Variants in ZNF804B observed in about 807,000 individuals in gnomAD.
ZNF804B encodes the protein zinc finger 804B.
ZNF804B carries 80 observed loss-of-function variants against 101.4 expected under a neutral mutation model. The ratio of observed to expected loss-of-function variants is 0.79; its 90% CI spans 0.66 to 0.95. The LOEUF is 0.95. ZNF804B is among the 40% of genes least tolerant of loss of function. ZNF804B has a pLI of 0.00. For synonymous variants in ZNF804B, 622 were observed against 558.8 expected (o/e 1.11, Z -1.59); for missense variants, 1,673 against 1,561.9 (o/e 1.07, Z -1.20).
intron 1 of ZNF804B, among the ~76,000 whole-genome samples, chr7:89,159,044 A>G (rs7810460): frequency 0.2 from 30,666 of 151,950 alleles, 3,324 homozygotes; most frequent in Non-Finnish European, 0.23. Flanking sequence ...TAAATTTCTG[A>G]GTTATTATTC....
chr7:88,900,184 C>G (rs1792367605), intron 1 of ZNF804B, among the ~76,000 whole-genome samples: 1 of 152,042 alleles, frequency 6.6e-6, no homozygotes, highest in African/African-American at 2.4e-5. Context: ...TTTGTAAATT[C>G]ATATGATACA....
At chr7:88,773,819 G>A (rs1189363386) in intron 1 of ZNF804B, among the ~76,000 whole-genome samples, 1 of 151,824 alleles carries the variant, frequency 6.6e-6, no homozygotes, top group Non-Finnish European at 1.5e-5. Flanking sequence ...TGAGGGAGAT[G>A]CCACTCTCTT....
intron 1 of ZNF804B, among the ~76,000 whole-genome samples, chr7:89,028,109 G>A (rs986067493): frequency 2.6e-5 from 4 of 152,040 alleles, no homozygotes. Context: ...CATTTGAGTG[G>A]TACATAATTA....
At chr7:88,949,208 A>G (rs1793182119) in intron 1 of ZNF804B, among the ~76,000 whole-genome samples, 1 of 151,840 alleles carries the variant, frequency 6.6e-6, no homozygotes, top group African/African-American at 2.4e-5. Flanking sequence ...TGGTGATTCT[A>G]GTCCAAGGTT....
At chr7:89,329,921 G>GT (rs751060109) in intron 3 of ZNF804B, among the ~76,000 whole-genome samples, 3 of 151,494 alleles carry the variant, frequency 2.0e-5, no homozygotes, top group Non-Finnish European at 4.4e-5. Flanking sequence ...AAATCATGTT[G>GT]TTTTGATATG....
chr7:89,170,508 A>C (rs971238074), intron 1 of ZNF804B, among the ~76,000 whole-genome samples: 5 of 152,142 alleles, frequency 3.3e-5, no homozygotes, highest in African/African-American at 1.2e-4. Flanking sequence ...GTGAGCTGGG[A>C]ATATTGAAGT....
intron 2 of ZNF804B, among the ~76,000 whole-genome samples, chr7:89,290,535 A>G (rs1401494724): frequency 6.6e-6 from 1 of 152,102 alleles, no homozygotes; most frequent in Non-Finnish European, 1.5e-5. Context: ...CAAGCTGACT[A>G]AAGAGCCCTT....
At chr7:88,945,949 G>A (rs1351925336) in intron 1 of ZNF804B, among the ~76,000 whole-genome samples, 1 of 152,110 alleles carries the variant, frequency 6.6e-6, no homozygotes, top group Non-Finnish European at 1.5e-5. Flanking sequence ...TGTATCCTGA[G>A]ACTTTGCTGA....
At chr7:88,964,046 A>T (rs1584042317) in intron 1 of ZNF804B, among the ~76,000 whole-genome samples, 1 of 151,396 alleles carries the variant, frequency 6.6e-6, no homozygotes, top group Non-Finnish European at 1.5e-5. Context: ...GTTGGCAAGG[A>T]TGTGGAGAAA....
chr7:89,128,319 T>C (rs1490999352), intron 1 of ZNF804B, among the ~76,000 whole-genome samples: 3 of 151,892 alleles, frequency 2.0e-5, no homozygotes, highest in African/African-American at 7.2e-5. Context: ...TGTAGCAATT[T>C]CTCCCCAATG....
At chr7:89,043,955 A>G (rs187494876) in intron 1 of ZNF804B, among the ~76,000 whole-genome samples, 1 of 152,230 alleles carries the variant, frequency 6.6e-6, no homozygotes, top group Non-Finnish European at 1.5e-5. Context: ...TAAAGAATTT[A>G]TGGTATATAT....
At chr7:88,958,677 A>G (rs969045875) in intron 1 of ZNF804B, among the ~76,000 whole-genome samples, 18 of 151,424 alleles carry the variant, frequency 1.2e-4, no homozygotes, top group Non-Finnish European at 2.4e-4. Flanking sequence ...TTGGCCTTTA[A>G]CCTACCTCTG....
chr7:88,797,616 A>G (rs1320843449), intron 1 of ZNF804B, among the ~76,000 whole-genome samples: 1 of 152,114 alleles, frequency 6.6e-6, no homozygotes, highest in African/African-American at 2.4e-5. Flanking sequence ...AGGAGAATTT[A>G]TGAGGTACTG....
At chr7:88,869,596 C>G (rs1791784577) in intron 1 of ZNF804B, among the ~76,000 whole-genome samples, 1 of 152,064 alleles carries the variant, frequency 6.6e-6, no homozygotes, top group African/African-American at 2.4e-5. Flanking sequence ...TATCTTTTAA[C>G]CAAATATATA....
intron 1 of ZNF804B, among the ~76,000 whole-genome samples, chr7:89,104,180 C>T (rs1790100589): frequency 6.6e-6 from 1 of 151,782 alleles, no homozygotes; most frequent in African/African-American, 2.4e-5. Flanking sequence ...GGGTTATTGG[C>T]CTGTAGTTGT....
Position 88,870,400 on chromosome 7 carries a change from A to AAAAAAAAAAAAAAAAAAAAAG in ZNF804B, c.108+110323_108+110324insAAAAAAAAAAAAAGAAAAAAA, listed in dbSNP as rs781332488. On this transcript the variant is annotated intron_variant, in intron 1 of 3. Coordinates refer to ENST00000333190, the MANE Select transcript of ZNF804B (RefSeq NM_181646.5). ...ACTCCGTCTCAAAAAAAAAAAAAAA[A>AAAAAAAAAAAAAAAAAAAAAG]AAAAAAAGGTGGGTGATTGGAAAAC... 4.0e-3 allele frequency among the ~76,000 whole-genome samples: 448 copies of AAAAAAAAAAAAAAAAAAAAAG among 112,324 alleles called. 25 individuals are homozygous for AAAAAAAAAAAAAAAAAAAAAG. Among genetic ancestry groups the AAAAAAAAAAAAAAAAAAAAAG allele is most frequent in the African/African-American group, 8.5e-3 (214 of 25,288 alleles). 73.7% of individuals were successfully genotyped at this position (112,324 alleles called of 152,430 possible). A position where few individuals can be genotyped will look rare whatever the true frequency, so the allele number is the denominator to read the frequency against.
At chr7:89,002,112 A>G (rs935670037) in intron 1 of ZNF804B, among the ~76,000 whole-genome samples, 2 of 151,658 alleles carry the variant, frequency 1.3e-5, no homozygotes, top group Non-Finnish European at 3.0e-5. Context: ...TAACACATAT[A>G]TTTTTAACAT....
chr7:89,155,766 TATC>T (rs1348954832), intron 1 of ZNF804B, among the ~76,000 whole-genome samples: 3 of 152,188 alleles, frequency 2.0e-5, no homozygotes, highest in Admixed American at 6.5e-5. Context: ...CCCATTCTAT[TATC>T]TTTCTCTAGA....
rs796987599 is a variant in ZNF804B, at chr7:88,854,533, T to TTCCTTTCCTTTCCTTTCCTTC, written c.108+94449_108+94450insTCCTTTCCTTTCCTTTCCTTC. Reference sequence around the variant, plus strand: ...TTTCCTTTCCTTTCCTTCCTTTCCTTCCTTCCTTCCTTCCTTCCTTCCTTC... The same window carrying TTCCTTTCCTTTCCTTTCCTTC: ...TTTCCTTTCCTTTCCTTCCTTTCCTTTCCTTTCCTTTCCTTTCCTTCCCTTCCTTCCTTCCTTCCTTCCTTC... On this transcript the variant is annotated intron_variant, in intron 1 of 3. Transcript: ENST00000333190. Among the ~76,000 whole-genome samples, 8 of 78,194 alleles carry TTCCTTTCCTTTCCTTTCCTTC rather than the reference T, an allele frequency of 1.0e-4. No homozygotes were observed. In the East Asian group the frequency reaches 1.8e-3, roughly 18 times the overall value. 51.3% of individuals were successfully genotyped at this position (78,194 alleles called of 152,430 possible).
Sources: gnomAD v4.1 joint callset for allele counts (sites outside exome capture counted in the v4.1 genomes callset) on GRCh38, gnomAD v4.1.1 for gene constraint, MANE v1.5 for transcripts, NCBI Gene and HGNC (gene_info 2026-07-23, HGNC 2026-07-21) for gene names.